The following TAFA1 variants were observed in gnomAD, a reference collection of about 807,000 sequenced individuals.
TAFA1 encodes the protein chemokine-like protein TAFA-1.
Under a neutral mutation model 18.5 loss-of-function variants are expected in TAFA1, and 4 were observed. The observed-to-expected ratio is 0.22, with a 90% CI of 0.11 to 0.49. The LOEUF is 0.49. Among genes scored for constraint, TAFA1 ranks in the 20% least tolerant of loss-of-function variants. The pLI, the probability that TAFA1 is intolerant of heterozygous loss-of-function variation, is 0.98. For synonymous variants in TAFA1, 56 were observed against 55.2 expected (o/e 1.01, Z -0.06); for missense variants, 147 against 169.0 (o/e 0.87, Z 0.72).
intron 2 of TAFA1, among the ~76,000 whole-genome samples, chr3:68,367,088 GGTGGTTGTGAGAAT>G (rs1165401854): frequency 6.6e-6 from 1 of 152,112 alleles, no homozygotes; most frequent in Non-Finnish European, 1.5e-5. Flanking sequence ...TCCCTTATGG[GGTGGTTGTGAGAAT>G]GTAGTAGATT....
intron 2 of TAFA1, among the ~76,000 whole-genome samples, chr3:68,416,583 G>T (rs536035881): frequency 6.6e-6 from 1 of 152,234 alleles, no homozygotes; most frequent in South Asian, 2.1e-4. Context: ...ATGCAGAGCC[G>T]GCAGTTCACC....
At chr3:68,212,330 G>C (rs910308126) in intron 2 of TAFA1, among the ~76,000 whole-genome samples, 1 of 151,980 alleles carries the variant, frequency 6.6e-6, no homozygotes, top group Non-Finnish European at 1.5e-5. Flanking sequence ...ATAGTGCTCT[G>C]TGAGTCACTT....
intron 3 of TAFA1, among the ~76,000 whole-genome samples, chr3:68,513,592 G>A (rs2072880259): frequency 6.6e-6 from 1 of 152,008 alleles, no homozygotes; most frequent in Admixed American, 6.6e-5. Flanking sequence ...ATTTCATAAA[G>A]CCTGATGCAT....
intron 2 of TAFA1, among the ~76,000 whole-genome samples, chr3:68,305,197 C>T (rs1244927021): frequency 6.6e-6 from 1 of 151,178 alleles, no homozygotes; most frequent in African/African-American, 2.4e-5. Context: ...TAGTTTCTCA[C>T]TCTGTTGTCA....
chr3:68,540,012 AG>A (rs2073346898), intron 4 of TAFA1, among the ~76,000 whole-genome samples: 1 of 152,172 alleles, frequency 6.6e-6, no homozygotes, highest in Non-Finnish European at 1.5e-5. Flanking sequence ...TGTATTTGAA[AG>A]GATGTCTCTG....
intron 2 of TAFA1, among the ~76,000 whole-genome samples, chr3:68,270,587 A>G (rs1382232864): frequency 2.0e-5 from 3 of 152,202 alleles, no homozygotes; most frequent in Non-Finnish European, 2.9e-5. Flanking sequence ...GGACCAGGTT[A>G]TCTGTGGACC....
At chr3:68,455,730 T>G (rs749350621) in intron 3 of TAFA1, among the ~76,000 whole-genome samples, 8 of 152,176 alleles carry the variant, frequency 5.3e-5, no homozygotes, top group Non-Finnish European at 7.3e-5. Context: ...TGTGAAGTCA[T>G]GTACAATATC....
intron 2 of TAFA1, among the ~76,000 whole-genome samples, chr3:68,100,059 A>G (rs890914209): frequency 2.6e-5 from 4 of 152,182 alleles, no homozygotes; most frequent in African/African-American, 7.2e-5. Flanking sequence ...TATGCTTACT[A>G]TCTAGATGAT....
chr3:68,217,809 A>G (rs1221632524), intron 2 of TAFA1, among the ~76,000 whole-genome samples: 1 of 152,024 alleles, frequency 6.6e-6, no homozygotes, highest in Non-Finnish European at 1.5e-5. Context: ...TCATTCTTAC[A>G]AAGACAATCT....
At chr3:68,124,519 A>G (rs115738625) in intron 2 of TAFA1, among the ~76,000 whole-genome samples, 1,907 of 152,328 alleles carry the variant, frequency 0.013, 44 homozygotes, top group African/African-American at 0.044. Flanking sequence ...TGGAATCATG[A>G]ACATCTAAGT....
At chr3:68,455,593 G>T (rs1355973065) in intron 3 of TAFA1, among the ~76,000 whole-genome samples, 1 of 151,798 alleles carries the variant, frequency 6.6e-6, no homozygotes, top group South Asian at 2.1e-4. Flanking sequence ...CATTCCTCTG[G>T]TCTGGTGTGC....
At chr3:68,301,426 C>T (rs2068301535) in intron 2 of TAFA1, among the ~76,000 whole-genome samples, 1 of 152,068 alleles carries the variant, frequency 6.6e-6, no homozygotes, top group Non-Finnish European at 1.5e-5. Context: ...CTTGCTTGAG[C>T]AATCTTTGAG....
rs191351311 is a variant in TAFA1, at chr3:68,257,012, T to C, written c.119-160268T>C. The stretch of plus-strand genomic sequence containing the variant: ...TTGGACTTTGGATAAACAGAAAGCA[T>C]CAAGCTCTTGCCTCCTTTCCAGCTT... On this transcript the variant is annotated intron_variant, in intron 2 of 4. Coordinates refer to ENST00000478136, the MANE Select transcript of TAFA1 (RefSeq NM_213609.4). Among the ~76,000 whole-genome samples, 11 of 152,250 alleles carry C rather than the reference T, an allele frequency of 7.2e-5. No individual in the cohort carries two copies. In the East Asian group the frequency reaches 2.1e-3, roughly 29 times the overall value.
the TAFA1 span, among the ~76,000 whole-genome samples, chr3:67,996,369 C>G: frequency 6.6e-6 from 1 of 152,026 alleles, no homozygotes; most frequent in African/African-American, 2.4e-5. Context: ...TACATATTTT[C>G]AAGAAAGGAG....
intron 2 of TAFA1, among the ~76,000 whole-genome samples, chr3:68,334,525 CAATCTT>C (rs931137511): frequency 2.0e-5 from 3 of 152,118 alleles, no homozygotes; most frequent in African/African-American, 7.2e-5. Flanking sequence ...CAGTGTGTCT[CAATCTT>C]AATACAAATC....
At chr3:68,514,974 A>G (rs935215088) in intron 3 of TAFA1, among the ~76,000 whole-genome samples, 10 of 152,154 alleles carry the variant, frequency 6.6e-5, no homozygotes, top group Non-Finnish European at 1.3e-4. Flanking sequence ...AAGAGATGTA[A>G]TAAAATGGCT....
intron 3 of TAFA1, among the ~76,000 whole-genome samples, chr3:68,462,572 G>C (rs1377704783): frequency 4.6e-5 from 7 of 152,114 alleles, no homozygotes; most frequent in Non-Finnish European, 8.8e-5. Flanking sequence ...TGTGAGAAAA[G>C]ACTAATATAG....
At chr3:68,295,122 T>A (rs1031002005) in intron 2 of TAFA1, among the ~76,000 whole-genome samples, 1 of 103,818 alleles carries the variant, frequency 9.6e-6, no homozygotes, top group Admixed American at 1.0e-4. Context: ...AACAGTTGAA[T>A]GAGATAATGT....
At chr3:68,289,006 T>C (rs2068065236) in intron 2 of TAFA1, among the ~76,000 whole-genome samples, 1 of 152,212 alleles carries the variant, frequency 6.6e-6, no homozygotes. Flanking sequence ...TTTGGGTACA[T>C]ACATTTTTGT....
Sources: allele counts gnomAD v4.1 joint callset (sites outside exome capture counted in the v4.1 genomes callset), GRCh38; gene constraint gnomAD v4.1.1; transcripts MANE v1.5; gene names NCBI Gene and HGNC (gene_info 2026-07-23, HGNC 2026-07-21).